C12orf42: variants seen among roughly 807,000 people sequenced by gnomAD.
The protein encoded by C12orf42 is chromosome 12 open reading frame 42.
A neutral mutation model predicts 21.6 loss-of-function variants in C12orf42; 25 were observed. That is an observed-to-expected ratio of 1.16 (90% CI 0.84 to 1.62). The LOEUF is 1.62. C12orf42 is among the 40% of genes most tolerant of loss of function. The probability of loss-of-function intolerance (pLI) is 0.00; values close to 1 mark genes in which losing one functional copy is unlikely to be tolerated. For missense variants in C12orf42, 483 were observed against 459.3 expected (o/e 1.05, Z -0.47); for synonymous variants, 174 against 175.0 (o/e 0.99, Z 0.05).
In C12orf42 at chr12:103,444,337, G is replaced by C. The variant is rs1325385639; in HGVS notation, c.78+34012C>G. Among the ~76,000 whole-genome samples, 3 of 151,918 alleles carry C rather than the reference G, an allele frequency of 2.0e-5. No homozygotes were observed. In the East Asian group the frequency reaches 5.8e-4, roughly 29 times the overall value. ...AAGGGCTTTCTTCTGTTATTTTTTAGTTCTTAGTTTGTAACTTCTAAATAA... is the reference window on the plus strand; with the variant it reads ...AAGGGCTTTCTTCTGTTATTTTTTACTTCTTAGTTTGTAACTTCTAAATAA... On this transcript the variant is annotated intron_variant, in intron 2 of 5. Transcript: ENST00000548883.
chr12:103,459,407 C>T (rs1332940662), intron 2 of C12orf42, among the ~76,000 whole-genome samples: 1 of 152,084 alleles, frequency 6.6e-6, no homozygotes, highest in Non-Finnish European at 1.5e-5. Flanking sequence ...AGTGCCATCC[C>T]CTTTGTGATG....
At chr12:103,281,228 G>C (rs2036093593) in intron 4 of C12orf42, among the ~76,000 whole-genome samples, 1 of 152,234 alleles carries the variant, frequency 6.6e-6, no homozygotes, top group Non-Finnish European at 1.5e-5. Context: ...CTAAGTCTGA[G>C]AGAGGTAAAA....
At chr12:103,259,632 T>A (rs2034793436) in intron 10 of C12orf42, among the ~76,000 whole-genome samples, 1 of 152,216 alleles carries the variant, frequency 6.6e-6, no homozygotes, top group Admixed American at 6.5e-5. Flanking sequence ...AGGTTTTTGT[T>A]TAACTATTCG....
At chr12:103,189,338 T>C in the C12orf42 span, among the ~76,000 whole-genome samples, 5 of 152,298 alleles carry the variant, frequency 3.3e-5, no homozygotes, top group East Asian at 9.6e-4. Flanking sequence ...GAAATTTCTC[T>C]CATGGGCTTT....
the C12orf42 span, among the ~76,000 whole-genome samples, chr12:103,149,308 G>A: frequency 1.3e-5 from 2 of 152,128 alleles, no homozygotes; most frequent in Admixed American, 6.5e-5. Flanking sequence ...TATGATAAAG[G>A]TTGCCCCAAG....
intron 5 of C12orf42, chr12:103,273,658 G>A (rs142933579): frequency 2.9e-4 from 90 of 306,296 alleles, no homozygotes; most frequent in African/African-American, 1.7e-3. Context: ...AAAGACCCAA[G>A]AGGTAAGAAT....
the C12orf42 span, among the ~76,000 whole-genome samples, chr12:103,087,360 T>C: frequency 1.3e-5 from 2 of 152,202 alleles, no homozygotes; most frequent in Non-Finnish European, 2.9e-5. Flanking sequence ...CTCTGAGTCA[T>C]ATAACCATCC....
chr12:103,500,637 G>C (rs1955695514), upstream of C12orf42, among the ~76,000 whole-genome samples: 2 of 152,352 alleles, frequency 1.3e-5, no homozygotes, highest in South Asian at 2.1e-4. Flanking sequence ...ATGAGAATCA[G>C]TGTCACTTTA....
At chr12:103,114,343 C>T in the C12orf42 span, among the ~76,000 whole-genome samples, 2 of 152,108 alleles carry the variant, frequency 1.3e-5, no homozygotes, top group Non-Finnish European at 2.9e-5. Flanking sequence ...AAGAGAAGGG[C>T]CCTGGGTTAG....
intron 2 of C12orf42, among the ~76,000 whole-genome samples, chr12:103,429,575 C>T (rs958930867): frequency 6.6e-6 from 1 of 152,174 alleles, no homozygotes; most frequent in Admixed American, 6.5e-5. Context: ...ATGCTATCCC[C>T]ATCAAGCTAC....
chr12:103,302,036 C>CTGT lies in C12orf42; in HGVS notation c.*71_*72insACA. 1.4e-6 allele frequency: 2 copies of CTGT among 1,453,262 alleles called. No homozygotes were observed. The highest frequency in any genetic ancestry group is 2.7e-5 in the South Asian group (2 of 75,340). 90.0% of individuals were successfully genotyped at this position (1,453,262 alleles called of 1,614,324 possible). On this transcript the variant is annotated 3_prime_UTR_variant, in exon 6 of 6. Transcript: ENST00000548883. ...TCTGTGGAAACCAGTACATCTGAGGCCCTTTCTGTTGTTCTGAGCAGGCAT... is the reference window on the plus strand; with the variant it reads ...TCTGTGGAAACCAGTACATCTGAGGCTGTCCTTTCTGTTGTTCTGAGCAGGCAT...
the C12orf42 span, among the ~76,000 whole-genome samples, chr12:103,181,213 G>A: frequency 9.9e-5 from 15 of 152,054 alleles, 1 homozygote; most frequent in East Asian, 2.9e-3. Context: ...AGTCAGCCAA[G>A]AATGTGCTAC....
At chr12:103,293,868 T>C (rs1365453144) in intron 4 of C12orf42, among the ~76,000 whole-genome samples, 1 of 152,092 alleles carries the variant, frequency 6.6e-6, no homozygotes, top group Non-Finnish European at 1.5e-5. Context: ...TTTCAGAGAT[T>C]TTGGGTCTCA....
intron 3 of C12orf42, among the ~76,000 whole-genome samples, chr12:103,387,661 C>G (rs2065666887): frequency 6.6e-6 from 1 of 152,220 alleles, no homozygotes; most frequent in South Asian, 2.1e-4. Flanking sequence ...TCCATATATC[C>G]TAGCAGTGGC....
chr12:103,266,970 G>A (rs944451426), downstream of C12orf42, among the ~76,000 whole-genome samples: 6 of 152,142 alleles, frequency 3.9e-5, no homozygotes, highest in Admixed American at 3.9e-4. Context: ...AAAACTTTGA[G>A]TATTAGGAAG....
chr12:103,283,127 T>C (rs1408411478), intron 4 of C12orf42, among the ~76,000 whole-genome samples: 1 of 152,230 alleles, frequency 6.6e-6, no homozygotes, highest in African/African-American at 2.4e-5. Flanking sequence ...TTTTTTCATA[T>C]AAAACAATTT....
the C12orf42 span, among the ~76,000 whole-genome samples, chr12:103,214,038 TTAAG>T: frequency 6.6e-6 from 1 of 152,228 alleles, no homozygotes; most frequent in African/African-American, 2.4e-5. Context: ...CTAATGCTCT[TTAAG>T]TACTTCCTTA....
At chr12:103,059,694 T>C in the C12orf42 span, among the ~76,000 whole-genome samples, 1 of 152,110 alleles carries the variant, frequency 6.6e-6, no homozygotes, top group Non-Finnish European at 1.5e-5. Flanking sequence ...ATAAATGTAA[T>C]CCGTCACATA....
At chr12:103,056,430 G>T in the C12orf42 span, among the ~76,000 whole-genome samples, 2 of 152,196 alleles carry the variant, frequency 1.3e-5, no homozygotes, top group Middle Eastern at 6.8e-3. Context: ...CCTTGGTGTA[G>T]ATTTCTTAAG....
Sources: allele counts gnomAD v4.1 joint callset (sites outside exome capture counted in the v4.1 genomes callset), GRCh38; gene constraint gnomAD v4.1.1; transcripts MANE v1.5; gene names NCBI Gene and HGNC (gene_info 2026-07-23, HGNC 2026-07-21).